The following GULP1 variants were observed in gnomAD, a reference collection of about 807,000 sequenced individuals.
The protein encoded by GULP1 is GULP PTB domain containing engulfment adaptor 1, also known as PTB domain-containing engulfment adapter protein 1.
GULP1 carries 19 observed loss-of-function variants against 40.9 expected under a neutral mutation model. The observed-to-expected ratio is 0.46, with a 90% CI of 0.32 to 0.68. The LOEUF is 0.68. GULP1 is among the 30% of genes least tolerant of loss of function. The pLI is 0.03. For missense variants in GULP1, 312 were observed against 362.2 expected, an observed-to-expected ratio of 0.86 and a Z score of 1.12; for synonymous variants, 119 against 117.6, an observed-to-expected ratio of 1.01 and a Z score of -0.08.
At chr2:188,497,895 A>G (rs1387710633) in intron 4 of GULP1, among the ~76,000 whole-genome samples, 1 of 151,980 alleles carries the variant, frequency 6.6e-6, no homozygotes, top group Non-Finnish European at 1.5e-5. Flanking sequence ...GTCACACAGA[A>G]GCCATCTCTA....
At chr2:188,547,703 C>G (rs751616114) in intron 7 of GULP1, among the ~76,000 whole-genome samples, 5 of 152,120 alleles carry the variant, frequency 3.3e-5, no homozygotes, top group Non-Finnish European at 5.9e-5. Context: ...CAGACACACA[C>G]AGGATCAATA....
At chr2:188,360,803 A>G (rs1266877980) in intron 1 of GULP1, among the ~76,000 whole-genome samples, 2 of 152,120 alleles carry the variant, frequency 1.3e-5, no homozygotes. Context: ...TAGAAATTTT[A>G]TTGTGAAGTT....
intron 4 of GULP1, among the ~76,000 whole-genome samples, chr2:188,502,648 G>T (rs754782256): frequency 1.3e-5 from 2 of 151,854 alleles, no homozygotes; most frequent in African/African-American, 2.4e-5. Context: ...ACTAATATAT[G>T]TTAGAAATCA....
chr2:188,527,840 G>A (rs1257776014), intron 5 of GULP1, among the ~76,000 whole-genome samples: 2 of 152,252 alleles, frequency 1.3e-5, no homozygotes, highest in Admixed American at 6.5e-5. Flanking sequence ...TGTGCTCCAG[G>A]ACGGAGCTAT....
chr2:188,519,871 T>C (rs1239723931), intron 4 of GULP1, among the ~76,000 whole-genome samples: 1 of 152,154 alleles, frequency 6.6e-6, no homozygotes, highest in African/African-American at 2.4e-5. Flanking sequence ...CTCAAACTCC[T>C]GAGCTCAGGC....
At chr2:188,404,031 C>T (rs1184619154) in intron 2 of GULP1, among the ~76,000 whole-genome samples, 2 of 152,030 alleles carry the variant, frequency 1.3e-5, no homozygotes, top group Admixed American at 1.3e-4. Flanking sequence ...TAAAGACAGA[C>T]TTATAGCACT....
chr2:188,466,860 G>A (rs1005605195), intron 2 of GULP1, among the ~76,000 whole-genome samples: 6 of 151,928 alleles, frequency 3.9e-5, no homozygotes, highest in African/African-American at 1.2e-4. Context: ...GATACTCACC[G>A]CTATACTAAT....
At position 188,441,644 on chromosome 2, in the gene GULP1, A is replaced by G. The variant is rs371379188; in HGVS notation, c.-44-36015A>G. On this transcript the variant is annotated intron_variant, in intron 2 of 11. Coordinates refer to ENST00000409830, the MANE Select transcript of GULP1 (RefSeq NM_016315.4). The stretch of plus-strand genomic sequence containing the variant: ...AAAGAGGGAGCCTGAACATCTTCCT[A>G]TCTTCATAAAATTAAGATTGAGCAA... Among the ~76,000 whole-genome samples the G allele has an allele frequency of 7.2e-5, 11 of 152,246 alleles. No homozygotes were observed. In the South Asian group the frequency reaches 1.9e-3, roughly 26 times the overall value.
intron 4 of GULP1, among the ~76,000 whole-genome samples, chr2:188,502,583 C>T (rs1486843763): frequency 6.6e-6 from 1 of 151,732 alleles, no homozygotes; most frequent in Non-Finnish European, 1.5e-5. Context: ...TTCTGTTTTT[C>T]TTAAATGAGA....
intron 2 of GULP1, among the ~76,000 whole-genome samples, chr2:188,418,196 AAC>A (rs2152750597): frequency 6.6e-6 from 1 of 152,290 alleles, no homozygotes; most frequent in East Asian, 1.9e-4. Context: ...TTAGTAGAGA[AAC>A]ACATTATTTC....
chr2:188,523,275 A>C (rs538412157), intron 5 of GULP1, among the ~76,000 whole-genome samples: 2 of 152,336 alleles, frequency 1.3e-5, no homozygotes, highest in African/African-American at 4.8e-5. Flanking sequence ...TGTATGTTAA[A>C]GATTTCCTAA....
At chr2:188,399,940 C>A (rs1006014383) in intron 2 of GULP1, among the ~76,000 whole-genome samples, 1 of 151,998 alleles carries the variant, frequency 6.6e-6, no homozygotes, top group Non-Finnish European at 1.5e-5. Context: ...TTATTCCTTG[C>A]TTTTATGGAG....
At chr2:188,307,925 A>G (rs775696882) in intron 1 of GULP1, among the ~76,000 whole-genome samples, 1 of 152,216 alleles carries the variant, frequency 6.6e-6, no homozygotes, top group Admixed American at 6.5e-5. Context: ...AAAATTAGTA[A>G]TAAGAGAAAC....
At chr2:188,331,702 T>C (rs918337272) in intron 1 of GULP1, among the ~76,000 whole-genome samples, 1 of 152,222 alleles carries the variant, frequency 6.6e-6, no homozygotes, top group Non-Finnish European at 1.5e-5. Flanking sequence ...ATTTAAAAAA[T>C]CCATTTAGGA....
At chr2:188,421,464 A>T (rs1488120240) in intron 2 of GULP1, among the ~76,000 whole-genome samples, 2 of 152,164 alleles carry the variant, frequency 1.3e-5, no homozygotes, top group Non-Finnish European at 2.9e-5. Context: ...GTTTTTACTA[A>T]AATTTCAGAA....
At chr2:188,571,335 T>C in intron 9 of GULP1, among the ~76,000 whole-genome samples, 1 of 152,148 alleles carries the variant, frequency 6.6e-6, no homozygotes, top group East Asian at 1.9e-4. Flanking sequence ...AAAAGGATGT[T>C]TCTATAGAAG....
At chr2:188,331,705 A>G (rs1268807075) in intron 1 of GULP1, among the ~76,000 whole-genome samples, 1 of 152,178 alleles carries the variant, frequency 6.6e-6, no homozygotes, top group Non-Finnish European at 1.5e-5. Flanking sequence ...TAAAAAATCC[A>G]TTTAGGAGGA....
chr2:188,570,116 CT>C lies in GULP1; in HGVS notation c.606del (p.Pro203GlnfsTer5). On this transcript the variant is annotated frameshift_variant, in exon 9 of 12. Transcript: ENST00000409830. LOFTEE classifies it high-confidence loss of function. ...CTGAGAATAACTCAAGTATCAGCAC[CT>C]CCAGTGAGTATATTGAATATCCTTA... ...NQLRITQVSAPPAGSMTPKSP... is the reference protein window; with the variant it reads ...NQLRITQVSAXPAGSMTPKSP... 7.6e-7 allele frequency: 1 copy of C among 1,307,944 alleles called. No individual in the cohort carries two copies. Among genetic ancestry groups the C allele is most frequent in the Admixed American group, 2.0e-5 (1 of 50,950 alleles). 81.0% of individuals were successfully genotyped at this position (1,307,944 alleles called of 1,614,324 possible).
intron 1 of GULP1, among the ~76,000 whole-genome samples, chr2:188,318,645 A>T (rs1485836687): frequency 1.4e-5 from 2 of 147,468 alleles, no homozygotes; most frequent in Non-Finnish European, 3.0e-5. Flanking sequence ...ATGGTGAGTT[A>T]CTATAAGTTA....
Sources: gnomAD v4.1 joint callset for allele counts (sites outside exome capture counted in the v4.1 genomes callset) on GRCh38, gnomAD v4.1.1 for gene constraint, MANE v1.5 for transcripts, NCBI Gene and HGNC (gene_info 2026-07-23, HGNC 2026-07-21) for gene names.